Variants in COL14A1 observed in about 807,000 individuals in gnomAD.
COL14A1 encodes the protein collagen type XIV alpha 1 chain.
A neutral mutation model predicts 230.3 loss-of-function variants in COL14A1; 136 were observed. The ratio of observed to expected loss-of-function variants is 0.59; its 90% CI spans 0.51 to 0.68. COL14A1 has a LOEUF of 0.68. COL14A1 is among the 30% of genes least tolerant of loss of function. The probability of loss-of-function intolerance (pLI) is 0.00; values close to 1 mark genes in which losing one functional copy is unlikely to be tolerated. For missense variants in COL14A1, 1,976 were observed against 2,215.8 expected (o/e 0.89, Z 2.17); for synonymous variants, 792 against 784.1 (o/e 1.01, Z -0.17).
intron 36 of COL14A1, among the ~76,000 whole-genome samples, chr8:120,301,047 C>T (rs1160360083): frequency 2.6e-5 from 4 of 152,102 alleles, no homozygotes; most frequent in African/African-American, 9.7e-5. Flanking sequence ...ATGCTTCTCA[C>T]CACTGTGTCA....
At chr8:120,157,564 T>C (rs1815520549) in intron 2 of COL14A1, among the ~76,000 whole-genome samples, 1 of 152,246 alleles carries the variant, frequency 6.6e-6, no homozygotes, top group African/African-American at 2.4e-5. Context: ...TTCTAACACT[T>C]GGTCTTAGTT....
intron 26 of COL14A1, among the ~76,000 whole-genome samples, chr8:120,271,405 G>A (rs1586820617): frequency 1.3e-5 from 2 of 151,546 alleles, no homozygotes; most frequent in South Asian, 2.1e-4. Flanking sequence ...AAGAGAAAAG[G>A]GACAGAGACA....
At chr8:120,333,709 A>T (rs1821949203) in intron 42 of COL14A1, among the ~76,000 whole-genome samples, 1 of 152,166 alleles carries the variant, frequency 6.6e-6, no homozygotes, top group Non-Finnish European at 1.5e-5. Context: ...AGTTAAAGGG[A>T]AGGTGTCGGT....
intron 40 of COL14A1, 130 bp from the exon 41 acceptor site, chr8:120,332,011 C>A: frequency 2.7e-6 from 2 of 729,056 alleles, no homozygotes; most frequent in Non-Finnish European, 4.7e-6. Flanking sequence ...AGTTTAAAGG[C>A]AGTGAATCCT....
At chr8:120,281,470 T>C (rs1023475350) in intron 31 of COL14A1, among the ~76,000 whole-genome samples, 2 of 150,538 alleles carry the variant, frequency 1.3e-5, no homozygotes, top group African/African-American at 4.9e-5. Flanking sequence ...GAGACTGAGG[T>C]GGGAGGATTG....
chr8:120,194,852 A>G (rs760815316), intron 5 of COL14A1, among the ~76,000 whole-genome samples: 19 of 152,182 alleles, frequency 1.2e-4, no homozygotes, highest in Non-Finnish European at 2.2e-4. Context: ...CCAGACTTCA[A>G]TTTTCCCTGG....
At chr8:120,298,354 G>C (rs1343005915) in intron 35 of COL14A1, among the ~76,000 whole-genome samples, 1 of 151,272 alleles carries the variant, frequency 6.6e-6, no homozygotes, top group Admixed American at 6.6e-5. Context: ...GTGCTCCCAG[G>C]CATCTTGGTG....
intron 5 of COL14A1, among the ~76,000 whole-genome samples, chr8:120,171,945 C>G (rs556124363): frequency 2.0e-5 from 3 of 152,124 alleles, no homozygotes; most frequent in Admixed American, 2.0e-4. Flanking sequence ...ATCTCTTCCC[C>G]TTTCTAATCT....
intron 31 of COL14A1, among the ~76,000 whole-genome samples, chr8:120,283,152 C>T (rs1820090782): frequency 6.6e-6 from 1 of 152,028 alleles, no homozygotes; most frequent in Admixed American, 6.6e-5. Flanking sequence ...GGTAATGTAC[C>T]CTTAATTTTG....
Position 120,309,987 on chromosome 8 carries a change from A to G in COL14A1, c.4402-22A>G, listed in dbSNP as rs201998069. On this transcript the variant is annotated intron_variant, in intron 36 of 47. Transcript: ENST00000297848. ...TGTTTTGAGATTTGTCTTTGAGCTA[A>G]TACTTAACATCTGTTTGCCAGGGTG... 10 of 1,612,750 alleles carry G rather than the reference A, an allele frequency of 6.2e-6. No homozygotes were observed. In the African/African-American group the frequency reaches 1.2e-4, roughly 19 times the overall value.
At chr8:120,177,465 A>G (rs1340627593) in intron 5 of COL14A1, among the ~76,000 whole-genome samples, 1 of 151,966 alleles carries the variant, frequency 6.6e-6, no homozygotes, top group African/African-American at 2.4e-5. Flanking sequence ...CCTGGCCAAC[A>G]AGGCGAAACC....
intron 24 of COL14A1, among the ~76,000 whole-genome samples, chr8:120,264,510 G>A (rs1406376785): frequency 6.6e-6 from 1 of 152,078 alleles, no homozygotes; most frequent in East Asian, 1.9e-4. Context: ...TGCCTCAAGT[G>A]GTGGCAGTAA....
At chr8:120,356,700 C>G (rs1275943519) in intron 45 of COL14A1, among the ~76,000 whole-genome samples, 1 of 151,906 alleles carries the variant, frequency 6.6e-6, no homozygotes, top group Non-Finnish European at 1.5e-5. Context: ...AGCACTCCAG[C>G]CAGGTGAACA....
chr8:120,255,205 C>A (rs371937256), intron 22 of COL14A1, 35 bp from the exon 23 acceptor site: 2 of 1,500,650 alleles, frequency 1.3e-6, no homozygotes, highest in Non-Finnish European at 1.9e-6. Context: ...GTGTTGTCTG[C>A]GGTGTGATAC....
intron 45 of COL14A1, among the ~76,000 whole-genome samples, chr8:120,347,499 C>A (rs1299108512): frequency 6.6e-6 from 1 of 152,132 alleles, no homozygotes; most frequent in African/African-American, 2.4e-5. Context: ...ATCCAAGGGG[C>A]TCCTCATTCC....
chr8:120,166,365 G>A lies in COL14A1; in HGVS notation c.350-1796G>A, dbSNP rs570194199. On this transcript the variant is annotated intron_variant, in intron 4 of 47. Transcript: ENST00000297848. ...ACTTATATTTAAAATGGATGCTGAG[G>A]CAACATAAAATTTATAAGAATTCAC... Among the ~76,000 whole-genome samples, 763 of 152,216 alleles carry A rather than the reference G, an allele frequency of 5.0e-3. 4 individuals carry two copies. The highest frequency in any genetic ancestry group is 9.2e-3 in the Non-Finnish European group (624 of 68,004).
chr8:120,246,165 C>T (rs1395150105), intron 20 of COL14A1, among the ~76,000 whole-genome samples: 1 of 152,212 alleles, frequency 6.6e-6, no homozygotes, highest in African/African-American at 2.4e-5. Flanking sequence ...TGATTCTGCT[C>T]AGCTGGGCAA....
intron 19 of COL14A1, among the ~76,000 whole-genome samples, chr8:120,242,267 A>C (rs550123728): frequency 5.9e-5 from 9 of 152,336 alleles, no homozygotes; most frequent in African/African-American, 1.9e-4. Context: ...TGCTTACAGC[A>C]GCACCTGGCA....
intron 2 of COL14A1, among the ~76,000 whole-genome samples, chr8:120,156,496 T>C (rs1055755713): frequency 6.6e-5 from 10 of 152,168 alleles, no homozygotes; most frequent in African/African-American, 2.4e-4. Flanking sequence ...ATGAATCATC[T>C]TTCAAAGAAA....
Sources: gnomAD v4.1 joint callset for allele counts (sites outside exome capture counted in the v4.1 genomes callset) on GRCh38, gnomAD v4.1.1 for gene constraint, MANE v1.5 for transcripts, NCBI Gene and HGNC (gene_info 2026-07-23, HGNC 2026-07-21) for gene names.